ATP10B: variants seen among roughly 807,000 people sequenced by gnomAD.
ATP10B encodes the protein phospholipid-transporting ATPase VB.
ATP10B carries 122 observed loss-of-function variants against 141.2 expected under a neutral mutation model. The observed-to-expected ratio is 0.86, with a 90% CI of 0.75 to 1.00. ATP10B has a LOEUF of 1.00. Ranked by LOEUF, ATP10B falls within the 50% of genes least tolerant of loss-of-function variation. ATP10B has a pLI of 0.00. For synonymous variants in ATP10B, 685 were observed against 692.0 expected, an observed-to-expected ratio of 0.99 and a Z score of 0.16; for missense variants, 1,876 against 1,825.3, an observed-to-expected ratio of 1.03 and a Z score of -0.51.
At chr5:160,719,265 T>C (rs1206770927) in intron 2 of ATP10B, among the ~76,000 whole-genome samples, 5 of 151,826 alleles carry the variant, frequency 3.3e-5, no homozygotes, top group Non-Finnish European at 7.4e-5. Flanking sequence ...CCAGGCGTGT[T>C]GGTGGGCGCC....
At chr5:160,832,531 A>C (rs991721630) in intron 1 of ATP10B, among the ~76,000 whole-genome samples, 1 of 152,122 alleles carries the variant, frequency 6.6e-6, no homozygotes, top group African/African-American at 2.4e-5. Flanking sequence ...ATGAATGAAT[A>C]AGGGTGTGTG....
chr5:160,843,984 T>C (rs1425785684), intron 1 of ATP10B, among the ~76,000 whole-genome samples: 1 of 152,136 alleles, frequency 6.6e-6, no homozygotes, highest in African/African-American at 2.4e-5. Flanking sequence ...ATCCCCAAAA[T>C]TGAATTAAGC....
chr5:160,853,854 G>C (rs529935591), upstream of ATP10B, among the ~76,000 whole-genome samples: 2 of 152,116 alleles, frequency 1.3e-5, no homozygotes, highest in Admixed American at 6.6e-5. Context: ...CTGGAATTTT[G>C]TAATAAATCA....
At chr5:160,921,262 A>C in the ATP10B span, among the ~76,000 whole-genome samples, 1 of 148,492 alleles carries the variant, frequency 6.7e-6, no homozygotes, top group Non-Finnish European at 1.5e-5. Flanking sequence ...GCAGCTTTCT[A>C]TTCAGCACTT....
At chr5:160,791,025 C>T (rs1477817263) in intron 1 of ATP10B, among the ~76,000 whole-genome samples, 1 of 152,090 alleles carries the variant, frequency 6.6e-6, no homozygotes, top group Non-Finnish European at 1.5e-5. Flanking sequence ...GCCAAGGAAC[C>T]TGGGCAGCAT....
chr5:160,771,208 A>G (rs1206419739), intron 2 of ATP10B, among the ~76,000 whole-genome samples: 2 of 152,192 alleles, frequency 1.3e-5, no homozygotes, highest in Admixed American at 6.5e-5. Flanking sequence ...AAACTCTCAT[A>G]TCAGCCTTAC....
chr5:160,607,082 G>A lies in ATP10B; in HGVS notation c.2843C>T (p.Thr948Ile), dbSNP rs1290937458. 3.3e-5 allele frequency: 53 copies of A among 1,611,432 alleles called. No individual in the cohort carries two copies. Among genetic ancestry groups the A allele is most frequent in the Non-Finnish European group, 4.5e-5 (53 of 1,178,066 alleles). Residue 948 changes from threonine (T) to isoleucine (I), a missense_variant, in exon 19 of 26, where the codon ACC becomes ATC. Physicochemically the swap from Thr to Ile is moderately conservative, Grantham distance 89 (BLOSUM62 -1). Transcript: ENST00000327245. The stretch of plus-strand genomic sequence containing the variant: ...TGCACAATTGAGGATGGATTCACAG[G>A]TCTCCTATAAAGAAGCATAATAATA... ...VYTINTENQE[T>I]CESILNCALE...
chr5:160,583,201 T>C (rs561168404), intron 24 of ATP10B, among the ~76,000 whole-genome samples: 14 of 152,320 alleles, frequency 9.2e-5, no homozygotes, highest in African/African-American at 3.1e-4. Context: ...GCTGTTTTTT[T>C]CTCATCTTCA....
intron 14 of ATP10B, 90 bp downstream of exon 14, chr5:160,622,304 C>G: frequency 7.4e-7 from 1 of 1,346,342 alleles, no homozygotes; most frequent in Non-Finnish European, 1.0e-6. Flanking sequence ...TTTCATGTCT[C>G]CCTGATCAGA....
intron 7 of ATP10B, among the ~76,000 whole-genome samples, chr5:160,661,267 CA>C (rs1262732438): frequency 6.6e-6 from 1 of 151,472 alleles, no homozygotes; most frequent in Non-Finnish European, 1.5e-5. Flanking sequence ...TATTAAGCAA[CA>C]AAAACTATGC....
intron 2 of ATP10B, among the ~76,000 whole-genome samples, chr5:160,763,555 CA>C (rs1018170133): frequency 7.9e-5 from 12 of 152,036 alleles, no homozygotes; most frequent in African/African-American, 2.7e-4. Flanking sequence ...TCGGATACAG[CA>C]AAAGCAGTGC....
the ATP10B span, among the ~76,000 whole-genome samples, chr5:160,880,958 A>G: frequency 1.3e-5 from 2 of 152,208 alleles, no homozygotes; most frequent in African/African-American, 4.8e-5. Flanking sequence ...TTAAAATTAA[A>G]AACTTCTGCT....
rs138126761 is a variant in ATP10B at position 160,625,510 on chromosome 5, T to C, written c.1621-2925A>G. Among the ~76,000 whole-genome samples the C allele has an allele frequency of 2.5e-3, 384 of 152,274 alleles. 1 individual carries two copies. Among genetic ancestry groups the C allele is most frequent in the African/African-American group, 8.6e-3 (357 of 41,564 alleles). On this transcript the variant is annotated intron_variant, in intron 13 of 25. Coordinates refer to ENST00000327245, the MANE Select transcript of ATP10B (RefSeq NM_025153.3). ...GGAACAAACTTGGAGATGTCAAAGC[T>C]AAATCCCCTATTTTCCTGATGCCAA...
rs918404780 is a variant in ATP10B, at chr5:160,720,270, C to T, written c.-330-3236G>A. Among the ~76,000 whole-genome samples, 19 of 152,232 alleles carry T rather than the reference C, an allele frequency of 1.2e-4. 1 individual carries two copies. Among genetic ancestry groups the T allele is most frequent in the African/African-American group, 2.6e-4 (11 of 41,556 alleles). ...GAAAATAAATGAAGGGGAAAATAAC[C>T]TCCAAAATATGTGCTTTTGCAACAT... On this transcript the variant is annotated intron_variant, in intron 2 of 25. Coordinates refer to ENST00000327245, the MANE Select transcript of ATP10B (RefSeq NM_025153.3).
At chr5:160,852,804 G>C (rs967782990), upstream of ATP10B, among the ~76,000 whole-genome samples, 16 of 151,976 alleles carry the variant, frequency 1.1e-4, no homozygotes, top group Non-Finnish European at 2.4e-4. Flanking sequence ...CAACTAATTG[G>C]CATAAATGTC....
intron 8 of ATP10B, among the ~76,000 whole-genome samples, chr5:160,647,397 A>C (rs146718598): frequency 6.6e-6 from 1 of 152,146 alleles, no homozygotes; most frequent in Non-Finnish European, 1.5e-5. Flanking sequence ...CCGCAGTCCA[A>C]CTGGACTTTT....
intron 1 of ATP10B, among the ~76,000 whole-genome samples, chr5:160,789,012 C>T (rs1051260650): frequency 6.6e-6 from 1 of 152,138 alleles, no homozygotes; most frequent in African/African-American, 2.4e-5. Context: ...CTGACTAGGG[C>T]CTCAATAGTT....
intron 14 of ATP10B, among the ~76,000 whole-genome samples, chr5:160,621,155 G>GAAAGGAAGGAAAAGGAGGAAA: frequency 6.6e-6 from 1 of 152,308 alleles, no homozygotes; most frequent in Non-Finnish European, 1.5e-5. Flanking sequence ...AGGAAAAGGA[G>GAAAGGAAGGAAAAGGAGGAAA]ATGAGAATCA....
chr5:160,683,269 C>A (rs1271699283), intron 6 of ATP10B, among the ~76,000 whole-genome samples: 1 of 151,966 alleles, frequency 6.6e-6, no homozygotes, highest in Non-Finnish European at 1.5e-5. Context: ...AAAAAATTAT[C>A]CTTCAGATTA....
Sources: gnomAD v4.1 joint callset for allele counts (sites outside exome capture counted in the v4.1 genomes callset) on GRCh38, gnomAD v4.1.1 for gene constraint, MANE v1.5 for transcripts, NCBI Gene and HGNC (gene_info 2026-07-23, HGNC 2026-07-21) for gene names.